DOCK5: variants seen among roughly 807,000 people sequenced by gnomAD.
The protein encoded by DOCK5 is dedicator of cytokinesis protein 5.
Under a neutral mutation model 251.8 loss-of-function variants are expected in DOCK5, and 142 were observed. The ratio of observed to expected loss-of-function variants is 0.56; its 90% CI spans 0.49 to 0.65. DOCK5 has a LOEUF of 0.65. Ranked by LOEUF, DOCK5 falls within the 30% of genes least tolerant of loss-of-function variation. DOCK5 has a pLI of 0.00. For missense variants in DOCK5, 2,111 were observed against 2,312.3 expected, an observed-to-expected ratio of 0.91 and a Z score of 1.79; for synonymous variants, 842 against 835.5, an observed-to-expected ratio of 1.01 and a Z score of -0.13.
At chr8:25,251,619 G>C (rs765726830) in intron 2 of DOCK5, among the ~76,000 whole-genome samples, 13 of 152,174 alleles carry the variant, frequency 8.5e-5, no homozygotes, top group Non-Finnish European at 1.6e-4. Context: ...ACAGTGGGCA[G>C]TGTTATGACA....
intron 1 of DOCK5, among the ~76,000 whole-genome samples, chr8:25,217,550 A>T (rs1291303064): frequency 6.6e-6 from 1 of 152,184 alleles, no homozygotes; most frequent in East Asian, 1.9e-4. Flanking sequence ...TCAGGCAAAT[A>T]GAGTTGTTCT....
intron 13 of DOCK5, among the ~76,000 whole-genome samples, chr8:25,312,243 C>G (rs893038616): frequency 2.6e-5 from 4 of 151,970 alleles, no homozygotes; most frequent in Admixed American, 2.0e-4. Flanking sequence ...TATTCTCTAC[C>G]TGAAGGTTGT....
chr8:25,298,058 TAAAA>T (rs145331060), intron 7 of DOCK5, among the ~76,000 whole-genome samples: 1 of 125,904 alleles, frequency 7.9e-6, no homozygotes. Flanking sequence ...CCCTGCCTCT[TAAAA>T]AAAAAAAAAA....
At chr8:25,188,386 C>G (rs1224437044) in intron 1 of DOCK5, among the ~76,000 whole-genome samples, 1 of 152,202 alleles carries the variant, frequency 6.6e-6, no homozygotes, top group African/African-American at 2.4e-5. Flanking sequence ...GTAGGATAGT[C>G]ATGTTGAAGC....
At chr8:25,260,213 C>T (rs150059142) in intron 2 of DOCK5, among the ~76,000 whole-genome samples, 11 of 152,192 alleles carry the variant, frequency 7.2e-5, no homozygotes, top group African/African-American at 2.4e-4. Context: ...GGAAACCTGA[C>T]GAGCTTACCT....
At chr8:25,359,092 G>A in intron 28 of DOCK5, 31 bp downstream of exon 28, 1 of 1,584,552 alleles carries the variant, frequency 6.3e-7, no homozygotes, top group Non-Finnish European at 8.7e-7. Flanking sequence ...CTGGTAACCT[G>A]AAGACTTCTT....
At chr8:25,223,829 C>T (rs1482236861) in intron 1 of DOCK5, among the ~76,000 whole-genome samples, 1 of 152,164 alleles carries the variant, frequency 6.6e-6, no homozygotes, top group Admixed American at 6.5e-5. Context: ...TTCTGTTAAA[C>T]AGCGAGACCC....
chr8:25,256,464 AC>A (rs1278264579), intron 2 of DOCK5, among the ~76,000 whole-genome samples: 3 of 151,544 alleles, frequency 2.0e-5, no homozygotes, highest in Non-Finnish European at 4.4e-5. Flanking sequence ...CATGGCGAAA[AC>A]CCGTCTCTAC....
chr8:25,218,460 G>T (rs1485169323), intron 1 of DOCK5, among the ~76,000 whole-genome samples: 2 of 152,224 alleles, frequency 1.3e-5, no homozygotes, highest in Non-Finnish European at 2.9e-5. Flanking sequence ...TAGTGCCTCT[G>T]TGTGGTGTCT....
At chr8:25,258,819 C>G (rs1221092758) in intron 2 of DOCK5, among the ~76,000 whole-genome samples, 1 of 152,144 alleles carries the variant, frequency 6.6e-6, no homozygotes, top group African/African-American at 2.4e-5. Flanking sequence ...CTGTTTTGAT[C>G]ATTAAAAAAA....
rs780570238 is a variant in DOCK5 at position 25,210,036 on chromosome 8, ATGTGTGTGTGTGTG to A, written c.43+25105_43+25118del. Among the ~76,000 whole-genome samples, 8 of 31,660 alleles carry A rather than the reference ATGTGTGTGTGTGTG, an allele frequency of 2.5e-4. 3 individuals are homozygous for A. The highest frequency in any genetic ancestry group is 5.0e-4 in the African/African-American group (7 of 13,888). The allele number at this position is 31,660 out of a possible 152,430, so 20.8% of individuals were successfully genotyped here. ...TATATATATATATATATATATATAAATGTGTGTGTGTGTGTGTGTGTGTGTGTGTGTGTATCTGT... is the reference window on the plus strand; with the variant it reads ...TATATATATATATATATATATATAAATGTGTGTGTGTGTGTGTGTATCTGT... On this transcript the variant is annotated intron_variant, in intron 1 of 51. Coordinates refer to ENST00000276440, the MANE Select transcript of DOCK5 (RefSeq NM_024940.8).
chr8:25,268,740 G>T (rs1803829416), intron 2 of DOCK5, 105 bp from the exon 3 acceptor site: 2 of 915,872 alleles, frequency 2.2e-6, no homozygotes, highest in Non-Finnish European at 3.3e-6. Flanking sequence ...TCTGTCAACT[G>T]TTGTATCCCA....
intron 37 of DOCK5, chr8:25,375,919 GA>G (rs1364224688): frequency 1.3e-6 from 1 of 781,548 alleles, no homozygotes; most frequent in African/African-American, 1.9e-5. Context: ...CTAACATGGT[GA>G]AACCCCATCT....
chr8:25,270,885 C>A (rs1334491168), intron 3 of DOCK5: 1 of 686,038 alleles, frequency 1.5e-6, no homozygotes, highest in East Asian at 2.7e-5. Context: ...CTCTGCATTT[C>A]CTCCCGTGTA....
At chr8:25,351,851 A>C (rs1586353354) in intron 27 of DOCK5, 25 bp downstream of exon 27, 1 of 1,600,582 alleles carries the variant, frequency 6.2e-7, no homozygotes. Context: ...GTTGGATCCC[A>C]CGGCCGCTGC....
Position 25,342,389 on chromosome 8 carries a change from T to A in DOCK5, c.2511-12T>A. ...AACGAAGACACTACTAACCCTGAGG[T>A]TTCTCTCCCAGCGTGCTCTTCTGCA... On this transcript the variant is annotated splice_polypyrimidine_tract_variant and intron_variant, in intron 24 of 51. Coordinates refer to ENST00000276440, the MANE Select transcript of DOCK5 (RefSeq NM_024940.8). The A allele has an allele frequency of 5.1e-6, 8 of 1,570,132 alleles. No individual in the cohort carries two copies. Among genetic ancestry groups the A allele is most frequent in the Non-Finnish European group, 6.9e-6 (8 of 1,154,856 alleles).
chr8:25,245,011 C>T (rs1454715754), intron 2 of DOCK5, among the ~76,000 whole-genome samples: 1 of 152,162 alleles, frequency 6.6e-6, no homozygotes, highest in Non-Finnish European at 1.5e-5. Context: ...CTTATCTTTT[C>T]CAGAATCTTT....
At chr8:25,400,582 A>C (rs1229966834) in intron 46 of DOCK5, among the ~76,000 whole-genome samples, 3 of 150,936 alleles carry the variant, frequency 2.0e-5, no homozygotes, top group East Asian at 2.0e-4. Context: ...TTTTTCTCTC[A>C]AGACTTCAGT....
At chr8:25,401,727 C>G (rs1158040427) in intron 47 of DOCK5, among the ~76,000 whole-genome samples, 2 of 152,186 alleles carry the variant, frequency 1.3e-5, no homozygotes, top group African/African-American at 4.8e-5. Context: ...GAGCGAGACT[C>G]TATCTCAAAA....
Sources: allele counts gnomAD v4.1 joint callset (sites outside exome capture counted in the v4.1 genomes callset), GRCh38; gene constraint gnomAD v4.1.1; transcripts MANE v1.5; gene names NCBI Gene and HGNC (gene_info 2026-07-23, HGNC 2026-07-21).